CHRNE: variants seen among roughly 807,000 people sequenced by gnomAD.
The protein encoded by CHRNE is acetylcholine receptor subunit epsilon.
CHRNE carries 58 observed loss-of-function variants against 56.5 expected under a neutral mutation model. That is an observed-to-expected ratio of 1.03 (90% CI 0.83 to 1.28). The LOEUF is 1.28. CHRNE is among the 50% of genes most tolerant of loss of function. The pLI, the probability that CHRNE is intolerant of heterozygous loss-of-function variation, is 0.00. For synonymous variants in CHRNE, 385 were observed against 297.9 expected (o/e 1.29, Z -3.01); for missense variants, 793 against 688.9 (o/e 1.15, Z -1.69).
In CHRNE at chr17:4,899,205, G is replaced by A. The variant is rs1300177355; in HGVS notation, c.1212C>T (p.Thr404=). 1 of 1,604,914 alleles carries A rather than the reference G, an allele frequency of 6.2e-7. No individual in the cohort carries two copies. Among genetic ancestry groups the A allele is most frequent in the Non-Finnish European group, 8.5e-7 (1 of 1,177,902 alleles). ...VFEGQRHRQG[T]WTAAFCQSLG... The stretch of plus-strand genomic sequence containing the variant: ...CAGGGCCACTGTGCTCACCCGTCCA[G>A]GTCCCCTGCCGGTGCCTCTGCCCCT... The change falls in exon 10 of 12, where the codon ACC becomes ACT. Residue 404 remains threonine, a synonymous_variant. Coordinates refer to ENST00000649488, the MANE Select transcript of CHRNE (RefSeq NM_000080.4).
In CHRNE at chr17:4,899,473, G is replaced by T. The variant is rs1422523453; in HGVS notation, c.1027C>A (p.Arg343Ser). The change falls in exon 9 of 12, where the codon CGC becomes AGC. Residue 343 changes from arginine to serine, a missense_variant. Coordinates refer to ENST00000649488, the MANE Select transcript of CHRNE (RefSeq NM_000080.4). ...PTTHAMSPRL[R>S]HVLLELLPRL... ...ACCGCCCCCTCCGCGCTTACGTGGC[G>T]CAGCCGCGGGGACATGGCGTGGGTG... 1.9e-6 allele frequency: 3 copies of T among 1,591,182 alleles called. No individual in the cohort carries two copies. Among genetic ancestry groups the T allele is most frequent in the Non-Finnish European group, 8.5e-7 (1 of 1,170,434 alleles).
rs756407780 is a variant in CHRNE, at chr17:4,901,036, C to T, written c.756G>A (p.Val252=). The T allele has an allele frequency of 3.1e-6, 5 of 1,614,048 alleles. No homozygotes were observed. The Admixed American group carries it at 5.0e-5, about 16-fold the overall frequency. Residue 252 remains valine, a synonymous_variant, in exon 7 of 12, where the codon GTG becomes GTA. Coordinates refer to ENST00000649488, the MANE Select transcript of CHRNE (RefSeq NM_000080.4). The stretch of plus-strand genomic sequence containing the variant: ...CGAGCAGCACCAGGCCCGAGATGAG[C>T]ACACAGGGCACGATGATGTTAATGA... ...FYVINIIVPC[V]LISGLVLLAY...
In CHRNE at chr17:4,902,385, G is replaced by A. The variant is rs1970021223; in HGVS notation, c.235-59C>T. 6.2e-7 allele frequency: 1 copy of A among 1,613,716 alleles called. No homozygotes were observed. Among genetic ancestry groups the A allele is most frequent in the African/African-American group, 1.3e-5 (1 of 75,038 alleles). ...GCATCTCCCACCTGGCGCTGCCTGG[G>A]AGGGGTTTGGGGGAAAAGGGGTGCC... On this transcript the variant is annotated intron_variant, in intron 3 of 11. Coordinates refer to ENST00000649488, the MANE Select transcript of CHRNE (RefSeq NM_000080.4). This position sits in a 1 kb window ranked among gnomAD's most constrained non-coding sequence, Gnocchi z 4.0.
In CHRNE at chr17:4,899,593, C is replaced by T. The variant is rs770576069; in HGVS notation, c.918-11G>A. 3 of 1,556,114 alleles carry T rather than the reference C, an allele frequency of 1.9e-6. No homozygotes were observed. The highest frequency in any genetic ancestry group is 2.3e-5 in the East Asian group (1 of 42,764). On this transcript the variant is annotated splice_polypyrimidine_tract_variant and intron_variant, in intron 8 of 11. Transcript: ENST00000649488. ...ACGAAAATAAGGAACCTGAGGAGCC[C>T]GGAAGGCATGACATCACCGTTCCTC... is the stretch of plus-strand genomic sequence containing the variant.
chr17:4,908,263 T>G (rs944904237), intron 1 of CHRNE, among the ~76,000 whole-genome samples: 4 of 152,176 alleles, frequency 2.6e-5, no homozygotes, highest in African/African-American at 9.6e-5. Context: ...TGAGTAGAAA[T>G]CCTCATTCCT....
Position 4,898,363 on chromosome 17 carries a change from A to C in CHRNE, c.*373T>G. On this transcript the variant is annotated 3_prime_UTR_variant, in exon 12 of 12. Transcript: ENST00000649488. ...CCTGGCTACAGCCTCCCTGTGTGCA[A>C]GTCCTGCAAAGGGGTCTCCTGTTTG... 6.0e-6 allele frequency: 2 copies of C among 332,218 alleles called. No individual in the cohort carries two copies. Among genetic ancestry groups the C allele is most frequent in the South Asian group, 5.1e-5 (2 of 38,960 alleles). The allele number at this position is 332,218 out of a possible 1,614,324, so 20.6% of individuals were successfully genotyped here.
In CHRNE at chr17:4,902,308, G is replaced by C; in HGVS notation, c.253C>G (p.Leu85Val). 1 of 1,614,194 alleles carries C rather than the reference G, an allele frequency of 6.2e-7. No individual in the cohort carries two copies. Among genetic ancestry groups the C allele is most frequent in the Non-Finnish European group, 8.5e-7 (1 of 1,180,044 alleles). ...WIGIDWQDYR[L>V]NYSKDDFGGI... is the part of the protein sequence containing the mutation. ...CCAAAGTCGTCCTTGCTGTAGTTGAGTCGGTAATCCTGCCAATCCTAAGGG... is the reference window on the plus strand; with the variant it reads ...CCAAAGTCGTCCTTGCTGTAGTTGACTCGGTAATCCTGCCAATCCTAAGGG... Residue 85 changes from leucine to valine, a missense_variant, in exon 4 of 12, where the codon CTC (leucine) becomes GTC (valine). Leu to Val is a conservative substitution (Grantham distance 32). Coordinates refer to ENST00000649488, the MANE Select transcript of CHRNE (RefSeq NM_000080.4). This position sits in a 1 kb window ranked among gnomAD's most constrained non-coding sequence, Gnocchi z 4.0.
In CHRNE at chr17:4,898,324, G is replaced by T. The variant is rs1468463960; in HGVS notation, c.*412C>A. On this transcript the variant is annotated 3_prime_UTR_variant, in exon 12 of 12. Transcript: ENST00000649488. ...CCCGCTCCAGCAGAGCCAGACCAGG[G>T]AAGAAGAGGGTTTCCTGGCTACAGC... 1 of 303,044 alleles carries T rather than the reference G, an allele frequency of 3.3e-6. No individual in the cohort carries two copies. 18.8% of individuals were successfully genotyped at this position (303,044 alleles called of 1,614,324 possible).
intron 8 of CHRNE, chr17:4,899,800 G>C (rs1175359152): frequency 8.4e-6 from 13 of 1,551,248 alleles, no homozygotes; most frequent in East Asian, 2.4e-5. Context: ...ACCCTGATGT[G>C]GATCTACCAC....
Position 4,900,990 on chromosome 17 carries a change from C to T in CHRNE, c.802G>A (p.Ala268Thr), listed in dbSNP as rs772145808. 4 of 1,613,952 alleles carry T rather than the reference C, an allele frequency of 2.5e-6. No homozygotes were observed. The highest frequency in any genetic ancestry group is 1.3e-5 in the African/African-American group (1 of 75,044). The change falls in exon 7 of 12, where the codon GCC (alanine) becomes ACC (threonine). Residue 268 changes from alanine to threonine, a missense_variant and splice_region_variant. By Grantham distance (58) the Ala-to-Thr change is moderately conservative. Coordinates refer to ENST00000649488, the MANE Select transcript of CHRNE (RefSeq NM_000080.4). ...VLLAYFLPAQ[A>T]GGQKCTVSIN... ...GGGTAGGTTCGGGGCCACTGCTTAC[C>T]CTGCGCCGGCAGGAAGTAGGCGAGC...
intron 5 of CHRNE, 129 bp from the exon 6 acceptor site, chr17:4,901,754 G>T (rs1969993531): frequency 1.1e-5 from 14 of 1,232,896 alleles, no homozygotes; most frequent in Admixed American, 5.6e-5. Flanking sequence ...AGCCCAGCCC[G>T]CACGCCTCTG....
intron 8 of CHRNE, 169 bp from the exon 9 acceptor site, chr17:4,899,751 C>T: frequency 9.7e-6 from 15 of 1,550,984 alleles, no homozygotes; most frequent in Non-Finnish European, 1.2e-5. Flanking sequence ...TGTCCTACCA[C>T]TTGTGGCGGC....
chr17:4,900,679 C>T (rs919252917), intron 8 of CHRNE, 114 bp downstream of exon 8: 46 of 1,449,186 alleles, frequency 3.2e-5, no homozygotes, highest in African/African-American at 4.2e-5. Context: ...ACCCAGCGTC[C>T]GAATAAAGCC....
upstream of CHRNE, among the ~76,000 whole-genome samples, chr17:4,906,685 T>A (rs1239411428): frequency 6.6e-6 from 1 of 152,042 alleles, no homozygotes; most frequent in Non-Finnish European, 1.5e-5. Flanking sequence ...AGACCTCATC[T>A]GTAAATAAAT....
In CHRNE at chr17:4,901,785, C is replaced by T. The variant is rs543532019; in HGVS notation, c.500+147G>A. ...CTCTGTTCCCATCTGTACCTCCGGC[C>T]GCGCTGGAGCGTCCCACCCAGTGCC... On this transcript the variant is annotated intron_variant, in intron 5 of 11. Transcript: ENST00000649488. The T allele has an allele frequency of 8.0e-5, 106 of 1,319,124 alleles. 1 individual carries two copies. The highest frequency in any genetic ancestry group is 2.6e-4 in the East Asian group (11 of 42,392). 81.7% of individuals were successfully genotyped at this position (1,319,124 alleles called of 1,614,324 possible).
rs1332255369 is a variant in CHRNE, at chr17:4,902,869, A to G, written c.47-106T>C. On this transcript the variant is annotated intron_variant, in intron 1 of 11. Coordinates refer to ENST00000649488, the MANE Select transcript of CHRNE (RefSeq NM_000080.4). The surrounding 1 kb of genome is among the most constrained non-coding windows in gnomAD (Gnocchi z 4.0). ...TCACAGGCCTCTGAGGCTGTGTACT[A>G]TCAGTATCTGTCTCCTAAACCAATT... 1.3e-6 allele frequency: 2 copies of G among 1,583,984 alleles called. No individual in the cohort carries two copies. Among genetic ancestry groups the G allele is most frequent in the Non-Finnish European group, 1.7e-6 (2 of 1,153,862 alleles).
chr17:4,898,737 T>C lies in CHRNE; in HGVS notation c.1481A>G (p.Ter494TrpextTer15). ...DLPYAPCIQP[*>W] is the part of the protein sequence containing the mutation. ...GTGGGAAATTGAAGTCGGTGCGAGC[T>C]AAGGCTGGATACACGGCGCGTAGGG... The change falls in exon 12 of 12, where the codon TAG (stop) becomes TGG (tryptophan). Residue 494 changes from the stop codon to tryptophan (W), a stop_lost. Transcript: ENST00000649488. 6.2e-7 allele frequency: 1 copy of C among 1,609,872 alleles called. No individual in the cohort carries two copies. Among genetic ancestry groups the C allele is most frequent in the Non-Finnish European group, 8.5e-7 (1 of 1,178,344 alleles).
Position 4,901,953 on chromosome 17 carries a change from T to G in CHRNE, c.479A>C (p.Gln160Pro), listed in dbSNP as rs765794362. The G allele has an allele frequency of 6.2e-7, 1 of 1,601,940 alleles. No homozygotes were observed. The highest frequency in any genetic ancestry group is 8.5e-7 in the Non-Finnish European group (1 of 1,173,254). The change falls in exon 5 of 12, where the codon CAG becomes CCG. Residue 160 changes from glutamine to proline, a missense_variant. Physicochemically the swap from Gln to Pro is moderately conservative, Grantham distance 76 (BLOSUM62 -1). Transcript: ENST00000649488. ...VEVTYFPFDW[Q>P]NCSLIFRSQT... The stretch of plus-strand genomic sequence containing the variant: ...CCACCGGAAAATAAGCGAACAGTTC[T>G]GCCAATCGAAGGGGAAGTAGGTGAC...
chr17:4,907,925 C>T (rs893876756), upstream of CHRNE, among the ~76,000 whole-genome samples: 3 of 151,976 alleles, frequency 2.0e-5, no homozygotes, highest in African/African-American at 7.3e-5. Flanking sequence ...ACCAGTAATC[C>T]CAGCACTTTG....
Sources: allele counts gnomAD v4.1 joint callset (sites outside exome capture counted in the v4.1 genomes callset), GRCh38; gene constraint gnomAD v4.1.1; non-coding constraint Gnocchi (gnomAD v3.1); transcripts MANE v1.5; gene names NCBI Gene and HGNC (gene_info 2026-07-23, HGNC 2026-07-21).